The following BSN variants were observed in gnomAD, a reference collection of about 807,000 sequenced individuals.
BSN encodes the protein bassoon presynaptic cytomatrix protein.
BSN carries 57 observed loss-of-function variants against 264.8 expected under a neutral mutation model. That is an observed-to-expected ratio of 0.22 (90% CI 0.17 to 0.27). BSN has a LOEUF of 0.27. BSN is among the 10% of genes least tolerant of loss of function. The pLI, the probability that BSN is intolerant of heterozygous loss-of-function variation, is 1.00. For missense variants in BSN, 4,615 were observed against 5,232.5 expected (o/e 0.88, Z 3.64); for synonymous variants, 2,059 against 2,137.3 (o/e 0.96, Z 1.01).
At chr3:49,558,468 C>G (rs773194210) in intron 1 of BSN, among the ~76,000 whole-genome samples, 4 of 152,216 alleles carry the variant, frequency 2.6e-5, no homozygotes, top group Non-Finnish European at 5.9e-5. Context: ...GGAAGGTGGG[C>G]AAGGCTGCTC....
chr3:49,557,541 A>G (rs1315125618), intron 1 of BSN, among the ~76,000 whole-genome samples: 2 of 150,138 alleles, frequency 1.3e-5, no homozygotes, highest in African/African-American at 4.9e-5. Context: ...CAGCCTGTCT[A>G]GTTTACACCA....
At chr3:49,562,854 G>A (rs528996646) in intron 1 of BSN, among the ~76,000 whole-genome samples, 1 of 152,236 alleles carries the variant, frequency 6.6e-6, no homozygotes, top group African/African-American at 2.4e-5. Context: ...ATGCTGGCTG[G>A]GGGTCAGAAA....
intron 2 of BSN, among the ~76,000 whole-genome samples, chr3:49,633,094 G>T (rs1230876788): frequency 6.6e-6 from 1 of 152,024 alleles, no homozygotes; most frequent in Non-Finnish European, 1.5e-5. Context: ...ATCACCTGAG[G>T]TCAAGAGTTT....
intron 1 of BSN, among the ~76,000 whole-genome samples, chr3:49,566,149 C>T (rs2051750465): frequency 6.6e-6 from 1 of 152,194 alleles, no homozygotes; most frequent in African/African-American, 2.4e-5. Context: ...TTAGTTTGTT[C>T]AAACAGTATC....
rs755669158 is a variant in BSN at position 49,655,352 on chromosome 3, C to T, written c.5796C>T (p.Ala1932=). 3.1e-6 allele frequency: 5 copies of T among 1,597,222 alleles called. No homozygotes were observed. The highest frequency in any genetic ancestry group is 4.3e-6 in the Non-Finnish European group (5 of 1,171,566). The part of the protein sequence containing the change: ...SVPEKSMADA[A]PPGQSSSPFY... ...CTGAGAAGAGCATGGCAGATGCTGC[C>T]CCACCTGGCCAAAGCAGCAGCCCCT... Residue 1932 remains alanine (A), a synonymous_variant, in exon 5 of 12, where the codon GCC becomes GCT. Coordinates refer to ENST00000296452, the MANE Select transcript of BSN (RefSeq NM_003458.4).
chr3:49,637,002 A>G lies in BSN; in HGVS notation c.634-5266A>G, dbSNP rs565511480. On this transcript the variant is annotated intron_variant, in intron 2 of 11. Transcript: ENST00000296452. ...TCATAGCCCAGAAAGGCATATAGTC[A>G]CACTGGCCAGTGGGGCCCTCCCAGG... 6.6e-5 allele frequency among the ~76,000 whole-genome samples: 10 copies of G among 152,360 alleles called. No individual in the cohort carries two copies. The East Asian group carries it at 1.9e-3, about 29-fold the overall frequency.
In BSN at chr3:49,657,067, C is replaced by G; in HGVS notation, c.7511C>G (p.Pro2504Arg). The G allele has an allele frequency of 3.1e-6, 5 of 1,609,764 alleles. No homozygotes were observed. Among genetic ancestry groups the G allele is most frequent in the Non-Finnish European group, 4.2e-6 (5 of 1,177,336 alleles). The change falls in exon 5 of 12, where the codon CCC becomes CGC. Residue 2504 changes from proline to arginine, a missense_variant. Transcript: ENST00000296452. ...ELAQNGQYWP[P>R]LTHAAFIAMA... ...GCCCAGAATGGCCAGTATTGGCCCCCCCTTACACATGCAGCCTTCATTGCC... is the reference window on the plus strand; with the variant it reads ...GCCCAGAATGGCCAGTATTGGCCCCGCCTTACACATGCAGCCTTCATTGCC...
intron 3 of BSN, among the ~76,000 whole-genome samples, chr3:49,650,095 C>T (rs575282146): frequency 6.6e-6 from 1 of 152,324 alleles, no homozygotes; most frequent in Non-Finnish European, 1.5e-5. Context: ...CCCTATCTAG[C>T]ATAGCCCTTA....
At position 49,655,904 on chromosome 3, in the gene BSN, CAGT is replaced by C. The variant is rs768574939; in HGVS notation, c.6349_6351del (p.Ser2117del). ...TGGACCAGTATGGTGGGCGGCATGG[CAGT>C]GGTGGTGGTGGCCCTGACCTTGTGC... On this transcript the variant is annotated inframe_deletion, in exon 5 of 12. Coordinates refer to ENST00000296452, the MANE Select transcript of BSN (RefSeq NM_003458.4). 8.1e-5 allele frequency: 130 copies of C among 1,612,186 alleles called. No homozygotes were observed. Among genetic ancestry groups the C allele is most frequent in the Middle Eastern group, 6.6e-4 (4 of 6,082 alleles).
chr3:49,617,427 G>A (rs953122414), intron 1 of BSN, among the ~76,000 whole-genome samples: 2 of 151,108 alleles, frequency 1.3e-5, no homozygotes, highest in Admixed American at 1.3e-4. Flanking sequence ...CTTTATGGCG[G>A]CACCCCTCTC....
chr3:49,596,067 G>A (rs534844409), intron 1 of BSN, among the ~76,000 whole-genome samples: 3 of 151,878 alleles, frequency 2.0e-5, no homozygotes, highest in East Asian at 1.9e-4. Context: ...TCTTTGCATC[G>A]TACACAGTTT....
At position 49,628,522 on chromosome 3, in the gene BSN, C is replaced by T. The variant is rs537068163; in HGVS notation, c.633+3139C>T. Among the ~76,000 whole-genome samples the T allele has an allele frequency of 2.0e-4, 31 of 152,332 alleles. 1 individual carries two copies. The East Asian group carries it at 4.8e-3, about 24-fold the overall frequency. On this transcript the variant is annotated intron_variant, in intron 2 of 11. Transcript: ENST00000296452. Reference sequence around the variant, plus strand: ...TTTTCTGGCCAGCGGACCCAAGTTTCCCCTATCAGCCCTAGGCTGCTGGAG... The same window carrying T: ...TTTTCTGGCCAGCGGACCCAAGTTTTCCCTATCAGCCCTAGGCTGCTGGAG...
At chr3:49,649,697 G>A (rs980023312) in intron 3 of BSN, among the ~76,000 whole-genome samples, 5 of 152,222 alleles carry the variant, frequency 3.3e-5, no homozygotes, top group African/African-American at 1.2e-4. Flanking sequence ...TGTCATACTT[G>A]TAAATGACCT....
At chr3:49,644,681 C>A (rs1203216934) in intron 3 of BSN, among the ~76,000 whole-genome samples, 1 of 152,202 alleles carries the variant, frequency 6.6e-6, no homozygotes, top group Non-Finnish European at 1.5e-5. Flanking sequence ...CACAAGCTCA[C>A]TGCTGGTCAG....
rs961758506 is a variant in BSN at position 49,664,842 on chromosome 3, A to G, written c.*3A>G. ...AAAAATTTTCCTCATTCTGGTGACC[A>G]TGCCCAGCATGGTGAGTACAAGCAG... On this transcript the variant is annotated 3_prime_UTR_variant, in exon 10 of 12. Coordinates refer to ENST00000296452, the MANE Select transcript of BSN (RefSeq NM_003458.4). The G allele has an allele frequency of 6.2e-7, 1 of 1,603,790 alleles. No homozygotes were observed.
Position 49,652,905 on chromosome 3 carries a change from G to T in BSN, c.3349G>T (p.Glu1117Ter). 6.2e-7 allele frequency: 1 copy of T among 1,610,166 alleles called. No homozygotes were observed. Among genetic ancestry groups the T allele is most frequent in the Non-Finnish European group, 8.5e-7 (1 of 1,177,526 alleles). The change falls in exon 5 of 12, where the codon GAG (glutamate) becomes TAG (stop). Residue 1117 changes from glutamate to a stop codon, truncating the protein, a stop_gained. Coordinates refer to ENST00000296452, the MANE Select transcript of BSN (RefSeq NM_003458.4). LOFTEE classifies it high-confidence loss of function. ...GCTGAGGCAGGCGGCCGAGATGGAG[G>T]AGCTACACCGCTCCTCCTGCTCTGA... ...EELRQAAEME[E>*]LHRSSCSEYS...
Position 49,661,182 on chromosome 3 carries a change from C to A in BSN, c.9337C>A (p.Arg3113Ser). Reference protein sequence around the residue: ...EPGLPNQQAFRPTGHYAGQTP... With the variant: ...EPGLPNQQAFSPTGHYAGQTP... ...TGGCCTGCCAAACCAGCAGGCTTTC[C>A]GCCCCACAGGCCACTATGCAGGCCA... The change falls in exon 6 of 12, where the codon CGC (arginine) becomes AGC (serine). Residue 3113 changes from arginine to serine, a missense_variant. Physicochemically the swap from Arg to Ser is moderately radical, Grantham distance 110. This residue lies in a region of BSN where 3,415 missense variants were observed against 3,866.4 expected (regional missense o/e 0.88). Transcript: ENST00000296452. The A allele has an allele frequency of 6.2e-7, 1 of 1,613,600 alleles. No individual in the cohort carries two copies. The highest frequency in any genetic ancestry group is 8.5e-7 in the Non-Finnish European group (1 of 1,180,032).
chr3:49,657,643 C>A lies in BSN; in HGVS notation c.8087C>A (p.Pro2696His). 6.3e-7 allele frequency: 1 copy of A among 1,594,652 alleles called. No individual in the cohort carries two copies. Among genetic ancestry groups the A allele is most frequent in the Non-Finnish European group, 8.6e-7 (1 of 1,167,372 alleles). ...PAIHITAATD[P>H]KVEIVRYISA... ...ATCCACATCACAGCTGCCACCGATC[C>A]CAAGGTGGAGATCGTCAGGTACATA... The change falls in exon 5 of 12, where the codon CCC (proline) becomes CAC (histidine). Residue 2696 changes from proline (P) to histidine (H), a missense_variant. By Grantham distance (77) the Pro-to-His change is moderately conservative (BLOSUM62 -2). This residue lies in a region of BSN where 3,415 missense variants were observed against 3,866.4 expected (regional missense o/e 0.88). Transcript: ENST00000296452.
In BSN at chr3:49,670,086, T is replaced by G. The variant is rs2052744391; in HGVS notation, c.*2601T>G. 1 of 152,670 alleles carries G rather than the reference T, an allele frequency of 6.6e-6. No individual in the cohort carries two copies. The highest frequency in any genetic ancestry group is 1.9e-4 in the East Asian group (1 of 5,204). The allele number at this position is 152,670 out of a possible 1,614,324, so 9.5% of individuals were successfully genotyped here. ...GATGGGACAGGAAGCTGCCAACCTT[T>G]GTGTTGGACTTAACACCCTTGCCTT... On this transcript the variant is annotated 3_prime_UTR_variant, in exon 12 of 12. Transcript: ENST00000296452.
Sources: allele counts gnomAD v4.1 joint callset (sites outside exome capture counted in the v4.1 genomes callset), GRCh38; gene constraint gnomAD v4.1.1; regional missense constraint gnomAD v4.1.1; transcripts MANE v1.5; gene names NCBI Gene and HGNC (gene_info 2026-07-23, HGNC 2026-07-21).